FMN1: variants seen among roughly 807,000 people sequenced by gnomAD.
The protein encoded by FMN1 is formin 1.
FMN1 carries 110 observed loss-of-function variants against 132.4 expected under a neutral mutation model. The ratio of observed to expected loss-of-function variants is 0.83; its 90% CI spans 0.71 to 0.97. The LOEUF (loss-of-function observed/expected upper bound fraction) is 0.97, where lower values mean the gene tolerates loss of function less well. Among genes scored for constraint, FMN1 ranks in the 50% least tolerant of loss-of-function variants. The pLI is 0.00. For synonymous variants in FMN1, 722 were observed against 651.7 expected (o/e 1.11, Z -1.64); for missense variants, 1,792 against 1,705.3 (o/e 1.05, Z -0.90).
chr15:33,041,280 C>T (rs1026261210), intron 6 of FMN1, among the ~76,000 whole-genome samples: 1 of 151,394 alleles, frequency 6.6e-6, no homozygotes, highest in Non-Finnish European at 1.5e-5. Flanking sequence ...ATCTTCAACC[C>T]GTAACACCTA....
intron 8 of FMN1, among the ~76,000 whole-genome samples, chr15:32,967,572 T>C (rs74012404): frequency 0.022 from 3,380 of 152,342 alleles, 116 homozygotes; most frequent in African/African-American, 0.073. Context: ...CAGGATCATC[T>C]CACTTTTTTA....
chr15:33,102,144 T>C (rs904876234), intron 4 of FMN1, among the ~76,000 whole-genome samples: 7 of 152,174 alleles, frequency 4.6e-5, no homozygotes, highest in African/African-American at 1.7e-4. Context: ...TGCTAATTTA[T>C]TTTATGTGTA....
At chr15:32,938,317 C>A (rs2061326495) in intron 9 of FMN1, among the ~76,000 whole-genome samples, 1 of 151,934 alleles carries the variant, frequency 6.6e-6, no homozygotes, top group Non-Finnish European at 1.5e-5. Flanking sequence ...TCACTTGAGG[C>A]CAGGAGTTCG....
chr15:32,790,136 A>G (rs1025209304), intron 19 of FMN1, among the ~76,000 whole-genome samples: 1 of 152,240 alleles, frequency 6.6e-6, no homozygotes, highest in Middle Eastern at 3.2e-3. Flanking sequence ...CACTCAAAGG[A>G]GGAAGCACAG....
chr15:33,151,636 G>A lies in FMN1; in HGVS notation c.1867+1412C>T, dbSNP rs529195999. Among the ~76,000 whole-genome samples the A allele has an allele frequency of 2.6e-5, 4 of 152,306 alleles. No individual in the cohort carries two copies. The South Asian group carries it at 6.2e-4, about 24-fold the overall frequency. The stretch of plus-strand genomic sequence containing the variant: ...TAAAGAGCAATGTATTTAATGCACA[G>A]TTTCTGCAGTTTTTGGAGTTAAGGC... On this transcript the variant is annotated intron_variant, in intron 4 of 20. Transcript: ENST00000616417.
chr15:32,810,391 T>C (rs1363993201), intron 17 of FMN1, among the ~76,000 whole-genome samples: 1 of 152,236 alleles, frequency 6.6e-6, no homozygotes, highest in African/African-American at 2.4e-5. Context: ...GAGATTACTA[T>C]GCCCATCCTA....
Position 33,154,322 on chromosome 15 carries a change from G to C in FMN1, c.593C>G (p.Ser198Cys). The C allele has an allele frequency of 6.5e-7, 1 of 1,536,158 alleles. No homozygotes were observed. The highest frequency in any genetic ancestry group is 8.7e-7 in the Non-Finnish European group (1 of 1,146,918). Residue 198 changes from serine to cysteine, a missense_variant, in exon 4 of 21, where the codon TCC becomes TGC. By Grantham distance (112) the Ser-to-Cys change is moderately radical. This residue lies in a region of FMN1 where 638 missense variants were observed against 645.2 expected (regional missense o/e 0.99). Transcript: ENST00000616417. ...APLMGKDKIC[S>C]SHSLPLSRTR... ...TCTAGAAAGAGGAAGGGAGTGGCTG[G>C]AACAGATCTTGTCCTTGCCCATCAG...
intron 5 of FMN1, chr15:33,067,595 AT>A (rs758657518): frequency 6.2e-7 from 1 of 1,613,590 alleles, no homozygotes; most frequent in South Asian, 1.1e-5. Context: ...CACGCTTGCA[AT>A]TTTCTCATCA....
intron 9 of FMN1, among the ~76,000 whole-genome samples, chr15:32,940,993 G>A (rs912976974): frequency 4.8e-5 from 7 of 147,160 alleles, no homozygotes; most frequent in Non-Finnish European, 8.9e-5. Flanking sequence ...CTTGCCTTAG[G>A]TAAATAACAA....
At chr15:33,015,182 G>C (rs866959282) in intron 6 of FMN1, among the ~76,000 whole-genome samples, 23 of 152,128 alleles carry the variant, frequency 1.5e-4, no homozygotes, top group African/African-American at 5.1e-4. Flanking sequence ...CGTTCTTTTG[G>C]TTACATAAGC....
intron 4 of FMN1, among the ~76,000 whole-genome samples, chr15:33,147,786 C>T (rs61177034): frequency 0.043 from 6,524 of 152,220 alleles, 472 homozygotes; most frequent in African/African-American, 0.15. Context: ...ACATTTATTT[C>T]GTATTTCACA....
chr15:32,827,052 T>C (rs1042109627), intron 17 of FMN1, among the ~76,000 whole-genome samples: 1 of 152,204 alleles, frequency 6.6e-6, no homozygotes, highest in Non-Finnish European at 1.5e-5. Flanking sequence ...AGGCTCTGAA[T>C]ATGCGTTTAT....
intron 4 of FMN1, among the ~76,000 whole-genome samples, chr15:33,109,210 C>A (rs186164307): frequency 9.9e-5 from 15 of 152,062 alleles, no homozygotes; most frequent in South Asian, 2.1e-4. Flanking sequence ...TGTCTTTGTT[C>A]TAAAATGCAA....
intron 3 of FMN1, among the ~76,000 whole-genome samples, chr15:33,166,326 T>C (rs1467588901): frequency 6.8e-6 from 1 of 146,980 alleles, no homozygotes; most frequent in Non-Finnish European, 1.5e-5. Context: ...TTCTTTTTCT[T>C]TTTTTTTTTT....
At chr15:32,914,710 AAAAG>A (rs1443587876) in intron 10 of FMN1, among the ~76,000 whole-genome samples, 2 of 152,240 alleles carry the variant, frequency 1.3e-5, no homozygotes, top group Admixed American at 1.3e-4. Context: ...GATAGGGCAA[AAAAG>A]AAAGACACTA....
At position 33,109,899 on chromosome 15, in the gene FMN1, T is replaced by G. The variant is rs895151701; in HGVS notation, c.1868-20925A>C. Among the ~76,000 whole-genome samples, 2 of 151,150 alleles carry G rather than the reference T, an allele frequency of 1.3e-5. 1 individual carries two copies. Among genetic ancestry groups the G allele is most frequent in the Admixed American group, 1.3e-4 (2 of 15,124 alleles). On this transcript the variant is annotated intron_variant, in intron 4 of 20. Coordinates refer to ENST00000616417, the MANE Select transcript of FMN1 (RefSeq NM_001277313.2). ...ACTGTAAATCAGGAAGTCTAAAACC[T>G]TAAAAACCTAAAAAAGTAAGACAGT...
chr15:33,100,285 A>G (rs1030459802), intron 4 of FMN1, among the ~76,000 whole-genome samples: 4 of 152,050 alleles, frequency 2.6e-5, no homozygotes, highest in African/African-American at 9.7e-5. Context: ...ATAATATAGT[A>G]TATGAATGCC....
intron 2 of FMN1, among the ~76,000 whole-genome samples, chr15:33,185,471 A>G (rs1965848138): frequency 6.6e-6 from 1 of 151,904 alleles, no homozygotes; most frequent in South Asian, 2.1e-4. Context: ...GTTAATTCCA[A>G]TTTAGAGAAT....
At chr15:33,124,555 G>GAC (rs397707677) in intron 4 of FMN1, among the ~76,000 whole-genome samples, 2 of 151,614 alleles carry the variant, frequency 1.3e-5, no homozygotes, top group Admixed American at 1.3e-4. Flanking sequence ...CCAGGGTTGA[G>GAC]TCATCGGAGT....
Sources: allele counts gnomAD v4.1 joint callset (sites outside exome capture counted in the v4.1 genomes callset), GRCh38; gene constraint gnomAD v4.1.1; regional missense constraint gnomAD v4.1.1; transcripts MANE v1.5; gene names NCBI Gene and HGNC (gene_info 2026-07-23, HGNC 2026-07-21).